AFG1L: variants seen among roughly 807,000 people sequenced by gnomAD.
AFG1L encodes AFG1-like ATPase.
In AFG1L, 53 loss-of-function variants were observed where a neutral mutation model predicts 62.2. The ratio of observed to expected loss-of-function variants is 0.85; its 90% CI spans 0.68 to 1.07. The LOEUF (loss-of-function observed/expected upper bound fraction) is 1.07. Ranked by LOEUF, AFG1L falls within the 50% of genes least tolerant of loss-of-function variation. The pLI is 0.00. For missense variants in AFG1L, 555 were observed against 590.5 expected (o/e 0.94, Z 0.62); for synonymous variants, 228 against 210.3 (o/e 1.08, Z -0.73).
At chr6:108,372,040 G>A (rs114493517) in intron 6 of AFG1L, among the ~76,000 whole-genome samples, 204 of 152,054 alleles carry the variant, frequency 1.3e-3, no homozygotes, top group African/African-American at 4.6e-3. Context: ...TTATAAGCAT[G>A]AGCCATCACG....
At chr6:108,427,277 T>C (rs1770861504) in intron 7 of AFG1L, among the ~76,000 whole-genome samples, 1 of 151,818 alleles carries the variant, frequency 6.6e-6, no homozygotes, top group Non-Finnish European at 1.5e-5. Flanking sequence ...TCTGTAGAGA[T>C]GGTGTCTTGC....
At position 108,399,769 on chromosome 6, in the gene AFG1L, C is replaced by CTT. The variant is rs757924406; in HGVS notation, c.749-2201_749-2200dup. ...TGGGGTGGGGTGTGGAAGTATCTCT[C>CTT]TTTTTTTTTTTTTTTTTTTTTTTTT... On this transcript the variant is annotated intron_variant, in intron 6 of 12. Coordinates refer to ENST00000368977, the MANE Select transcript of AFG1L (RefSeq NM_145315.5). Among the ~76,000 whole-genome samples the CTT allele has an allele frequency of 3.9e-3, 167 of 42,684 alleles. 26 individuals carry two copies. Among genetic ancestry groups the CTT allele is most frequent in the Middle Eastern group, 0.014 (1 of 74 alleles). 28.0% of individuals were successfully genotyped at this position (42,684 alleles called of 152,430 possible).
At chr6:108,406,493 G>A (rs1231928772) in intron 7 of AFG1L, among the ~76,000 whole-genome samples, 6 of 151,882 alleles carry the variant, frequency 4.0e-5, no homozygotes, top group South Asian at 4.2e-4. Context: ...GCTGGAGTGC[G>A]GTGGCATGAT....
intron 8 of AFG1L, among the ~76,000 whole-genome samples, chr6:108,462,414 C>CA (rs200762185): frequency 0.044 from 6,626 of 149,768 alleles, 222 homozygotes; most frequent in South Asian, 0.11. Context: ...AAAAAACAAA[C>CA]AAAAAAAAAC....
At chr6:108,463,925 A>G (rs1772565246) in intron 8 of AFG1L, among the ~76,000 whole-genome samples, 1 of 152,196 alleles carries the variant, frequency 6.6e-6, no homozygotes, top group African/African-American at 2.4e-5. Context: ...TGGTATAAGG[A>G]CAAAGAGCTG....
chr6:108,396,531 C>T (rs963579527), intron 6 of AFG1L, among the ~76,000 whole-genome samples: 1 of 152,028 alleles, frequency 6.6e-6, no homozygotes, highest in African/African-American at 2.4e-5. Flanking sequence ...CACTCTTTCG[C>T]TCAGGCTGGA....
intron 6 of AFG1L, among the ~76,000 whole-genome samples, chr6:108,384,377 G>A (rs1780676280): frequency 2.0e-5 from 3 of 152,314 alleles, no homozygotes; most frequent in African/African-American, 7.2e-5. Context: ...TGCATATGCA[G>A]GGCAGACTAA....
At chr6:108,396,276 A>G (rs1431470094) in intron 6 of AFG1L, among the ~76,000 whole-genome samples, 1 of 151,986 alleles carries the variant, frequency 6.6e-6, no homozygotes, top group Non-Finnish European at 1.5e-5. Context: ...GTCCCTTTTC[A>G]TTTATTTGTT....
intron 7 of AFG1L, among the ~76,000 whole-genome samples, chr6:108,430,779 A>G (rs1771037654): frequency 6.6e-6 from 1 of 152,202 alleles, no homozygotes; most frequent in African/African-American, 2.4e-5. Flanking sequence ...GCAGTGGGGC[A>G]TTTTCTGTCT....
chr6:108,466,731 A>T (rs1252537977), intron 8 of AFG1L, among the ~76,000 whole-genome samples: 1 of 148,250 alleles, frequency 6.7e-6, no homozygotes, highest in Non-Finnish European at 1.5e-5. Context: ...AAAATTATAT[A>T]TATATATTTT....
At chr6:108,415,448 G>A (rs1770211910) in intron 7 of AFG1L, among the ~76,000 whole-genome samples, 1 of 152,114 alleles carries the variant, frequency 6.6e-6, no homozygotes, top group African/African-American at 2.4e-5. Flanking sequence ...AATCAAAAAA[G>A]AGCCCACATT....
chr6:108,488,372 G>C (rs1773647439), intron 10 of AFG1L, among the ~76,000 whole-genome samples: 1 of 152,186 alleles, frequency 6.6e-6, no homozygotes, highest in Non-Finnish European at 1.5e-5. Context: ...GGATCAGTAT[G>C]ACCAGAATGC....
At chr6:108,475,631 A>C (rs145579339) in intron 8 of AFG1L, among the ~76,000 whole-genome samples, 1 of 152,220 alleles carries the variant, frequency 6.6e-6, no homozygotes, top group Non-Finnish European at 1.5e-5. Context: ...CATGGAAGTC[A>C]AATAGCATTT....
intron 6 of AFG1L, among the ~76,000 whole-genome samples, chr6:108,380,198 C>T (rs1027844285): frequency 2.6e-5 from 4 of 151,426 alleles, no homozygotes; most frequent in Non-Finnish European, 5.9e-5. Flanking sequence ...CTGCTGAACC[C>T]GGCAAACAGG....
chr6:108,349,694 T>C (rs1375310061), intron 3 of AFG1L, among the ~76,000 whole-genome samples: 2 of 151,964 alleles, frequency 1.3e-5, no homozygotes, highest in Admixed American at 1.3e-4. Context: ...GGCAGGATGA[T>C]TGCTTAAGAC....
chr6:108,428,626 T>G (rs1770932434), intron 7 of AFG1L, among the ~76,000 whole-genome samples: 1 of 152,198 alleles, frequency 6.6e-6, no homozygotes, highest in African/African-American at 2.4e-5. Context: ...TTTTTTGACT[T>G]TTTAGTAATG....
intron 11 of AFG1L, among the ~76,000 whole-genome samples, chr6:108,513,152 T>C (rs1774726489): frequency 6.6e-6 from 1 of 152,054 alleles, no homozygotes; most frequent in South Asian, 2.1e-4. Flanking sequence ...GATGGCCAAA[T>C]AGGGACAGCT....
At chr6:108,337,830 A>G (rs1028233287) in intron 2 of AFG1L, among the ~76,000 whole-genome samples, 3 of 152,360 alleles carry the variant, frequency 2.0e-5, no homozygotes, top group Non-Finnish European at 2.9e-5. Context: ...TGGTGGTTAC[A>G]TGAAAGACAG....
chr6:108,382,543 C>T (rs1392532126), intron 6 of AFG1L, among the ~76,000 whole-genome samples: 1 of 152,152 alleles, frequency 6.6e-6, no homozygotes, highest in Non-Finnish European at 1.5e-5. Context: ...CAATGTTCAT[C>T]ACCTTAAAGG....
Sources: gnomAD v4.1 joint callset for allele counts (sites outside exome capture counted in the v4.1 genomes callset) on GRCh38, gnomAD v4.1.1 for gene constraint, MANE v1.5 for transcripts, NCBI Gene and HGNC (gene_info 2026-07-23, HGNC 2026-07-21) for gene names.